CTNNA3: variants seen among roughly 807,000 people sequenced by gnomAD.
CTNNA3 encodes the protein catenin alpha-3.
Under a neutral mutation model 95.7 loss-of-function variants are expected in CTNNA3, and 76 were observed. The ratio of observed to expected loss-of-function variants is 0.79; its 90% confidence interval spans 0.66 to 0.96. The LOEUF (loss-of-function observed/expected upper bound fraction) is 0.96. CTNNA3 is among the 40% of genes least tolerant of loss of function. CTNNA3 has a pLI of 0.00. For synonymous variants in CTNNA3, 431 were observed against 374.4 expected, an observed-to-expected ratio of 1.15 and a Z score of -1.74; for missense variants, 1,191 against 1,089.8, an observed-to-expected ratio of 1.09 and a Z score of -1.31.
At chr10:66,118,036 C>G (rs1365196014) in intron 13 of CTNNA3, among the ~76,000 whole-genome samples, 2 of 152,176 alleles carry the variant, frequency 1.3e-5, no homozygotes, top group African/African-American at 4.8e-5. Flanking sequence ...ACTGAATTGG[C>G]ATGGACCAAC....
intron 12 of CTNNA3, among the ~76,000 whole-genome samples, chr10:66,378,511 C>A (rs1476271449): frequency 6.6e-6 from 1 of 152,130 alleles, no homozygotes; most frequent in Non-Finnish European, 1.5e-5. Flanking sequence ...TGAATTCAGA[C>A]ACTTCTGTAA....
chr10:66,903,509 T>C (rs1428868198), intron 7 of CTNNA3, among the ~76,000 whole-genome samples: 1 of 152,138 alleles, frequency 6.6e-6, no homozygotes, highest in Non-Finnish European at 1.5e-5. Flanking sequence ...TTCAACATAG[T>C]GTTGGAAGTT....
intron 10 of CTNNA3, among the ~76,000 whole-genome samples, chr10:66,560,172 T>A (rs541744326): frequency 2.0e-5 from 3 of 152,240 alleles, no homozygotes; most frequent in Admixed American, 6.5e-5. Flanking sequence ...CTGGTCATAA[T>A]AAAAACTCCT....
chr10:67,640,079 T>C (rs1024090408), intron 2 of CTNNA3, among the ~76,000 whole-genome samples: 1 of 152,222 alleles, frequency 6.6e-6, no homozygotes, highest in Non-Finnish European at 1.5e-5. Context: ...TGTTTGCAGA[T>C]GGCATGATTG....
intron 7 of CTNNA3, among the ~76,000 whole-genome samples, chr10:66,930,586 T>C (rs955900883): frequency 2.0e-5 from 3 of 152,194 alleles, no homozygotes; most frequent in African/African-American, 7.2e-5. Context: ...TTGTGATGGA[T>C]ACCAAATATA....
intron 12 of CTNNA3, among the ~76,000 whole-genome samples, chr10:66,367,880 A>AATT (rs200238646): frequency 3.4e-3 from 161 of 47,146 alleles, no homozygotes; most frequent in African/African-American, 0.015. Flanking sequence ...TAATAATAAT[A>AATT]ATTATTATTA....
intron 7 of CTNNA3, among the ~76,000 whole-genome samples, chr10:67,011,579 T>C (rs1852342129): frequency 6.6e-6 from 1 of 152,142 alleles, no homozygotes; most frequent in Non-Finnish European, 1.5e-5. Flanking sequence ...ATGTTGGTGA[T>C]AATATAAATG....
intron 5 of CTNNA3, among the ~76,000 whole-genome samples, chr10:67,429,117 A>G (rs1006698444): frequency 6.6e-6 from 1 of 151,992 alleles, no homozygotes; most frequent in Admixed American, 6.6e-5. Flanking sequence ...GCAATCACAC[A>G]TTAACTCTAC....
chr10:67,149,066 AGG>A (rs1298018314), intron 7 of CTNNA3, among the ~76,000 whole-genome samples: 2 of 152,242 alleles, frequency 1.3e-5, no homozygotes, highest in African/African-American at 4.8e-5. Context: ...CAAGAAAAGC[AGG>A]GGCCTGACAT....
chr10:66,120,318 C>G (rs963306700), intron 13 of CTNNA3, among the ~76,000 whole-genome samples: 1 of 151,996 alleles, frequency 6.6e-6, no homozygotes, highest in African/African-American at 2.4e-5. Flanking sequence ...AATATAGTGC[C>G]AAGAACACAA....
intron 7 of CTNNA3, among the ~76,000 whole-genome samples, chr10:67,087,315 G>A (rs543881609): frequency 7.9e-5 from 12 of 152,104 alleles, no homozygotes; most frequent in African/African-American, 2.6e-4. Flanking sequence ...AACTCCTGGA[G>A]ATCATGAGCA....
At chr10:66,191,900 A>G (rs948520536) in intron 13 of CTNNA3, among the ~76,000 whole-genome samples, 1 of 152,162 alleles carries the variant, frequency 6.6e-6, no homozygotes, top group African/African-American at 2.4e-5. Flanking sequence ...GCCCTCATGA[A>G]TGAATTAATG....
At chr10:66,808,093 G>A (rs971951352) in intron 7 of CTNNA3, among the ~76,000 whole-genome samples, 1 of 152,024 alleles carries the variant, frequency 6.6e-6, no homozygotes, top group Non-Finnish European at 1.5e-5. Context: ...TTAAACTGAG[G>A]ATAAAAAAGG....
At chr10:67,178,480 GA>G in intron 7 of CTNNA3, among the ~76,000 whole-genome samples, 1 of 151,966 alleles carries the variant, frequency 6.6e-6, no homozygotes, top group Non-Finnish European at 1.5e-5. Context: ...CATAGGTCAC[GA>G]GAGACTGTGT....
At chr10:67,084,914 T>A (rs959674327) in intron 7 of CTNNA3, among the ~76,000 whole-genome samples, 1 of 151,882 alleles carries the variant, frequency 6.6e-6, no homozygotes, top group Non-Finnish European at 1.5e-5. Flanking sequence ...AATAATTACA[T>A]GAAACTCCTT....
At chr10:66,451,995 C>T (rs2093467661) in intron 11 of CTNNA3, among the ~76,000 whole-genome samples, 1 of 152,128 alleles carries the variant, frequency 6.6e-6, no homozygotes, top group African/African-American at 2.4e-5. Context: ...CCAGCACTTT[C>T]TTCTCCCTCA....
chr10:66,791,363 T>C (rs1325842566), intron 7 of CTNNA3, among the ~76,000 whole-genome samples: 1 of 152,218 alleles, frequency 6.6e-6, no homozygotes, highest in Non-Finnish European at 1.5e-5. Flanking sequence ...GCTTTCCAGA[T>C]AGTTAAACAT....
At position 67,641,799 on chromosome 10, in the gene CTNNA3, T is replaced by A. The variant is rs563988806; in HGVS notation, c.99+5616A>T. Among the ~76,000 whole-genome samples, 294 of 152,204 alleles carry A rather than the reference T, an allele frequency of 1.9e-3. 1 individual carries two copies. The highest frequency in any genetic ancestry group is 3.4e-3 in the Middle Eastern group (1 of 294). ...ACGTGTTCTCACTCATAGGTGGGAA[T>A]TGAACAATGAGAACACTTGGACACA... On this transcript the variant is annotated intron_variant, in intron 2 of 17. Coordinates refer to ENST00000433211, the MANE Select transcript of CTNNA3 (RefSeq NM_013266.4).
rs533405598 is a variant in CTNNA3 at position 65,914,350 on chromosome 10, C to T, written c.*5980G>A. 4.6e-5 allele frequency: 7 copies of T among 152,024 alleles called. No homozygotes were observed. The highest frequency in any genetic ancestry group is 2.1e-4 in the South Asian group (1 of 4,806). 9.4% of individuals were successfully genotyped at this position (152,024 alleles called of 1,614,324 possible). ...GTGTGTATTTCTTATGTGGCTCCAC[C>T]GTAAGAAATATCAGAAAGTCATTTA... On this transcript the variant is annotated 3_prime_UTR_variant, in exon 18 of 18. Transcript: ENST00000433211.
Sources: allele counts gnomAD v4.1 joint callset (sites outside exome capture counted in the v4.1 genomes callset), GRCh38; gene constraint gnomAD v4.1.1; transcripts MANE v1.5; gene names NCBI Gene and HGNC (gene_info 2026-07-23, HGNC 2026-07-21).